The following LRRC1 variants were observed in gnomAD, a reference collection of about 807,000 sequenced individuals.
LRRC1 encodes the protein leucine rich repeat containing 1.
LRRC1 carries 28 observed loss-of-function variants against 69.9 expected under a neutral mutation model. That is an observed-to-expected ratio of 0.40 (90% CI 0.30 to 0.55). The LOEUF is 0.55. Ranked by LOEUF, LRRC1 falls within the 20% of genes least tolerant of loss-of-function variation. The pLI is 0.47. For synonymous variants in LRRC1, 236 were observed against 240.2 expected, an observed-to-expected ratio of 0.98 and a Z score of 0.16; for missense variants, 498 against 609.0, an observed-to-expected ratio of 0.82 and a Z score of 1.92.
At chr6:53,805,001 A>G (rs1346491366) in intron 1 of LRRC1, among the ~76,000 whole-genome samples, 1 of 152,176 alleles carries the variant, frequency 6.6e-6, no homozygotes, top group Non-Finnish European at 1.5e-5. Flanking sequence ...TGAGATCTTG[A>G]AAAATAGGCC....
At chr6:53,882,798 C>G in intron 3 of LRRC1, 89 bp from the exon 4 acceptor site, 1 of 733,776 alleles carries the variant, frequency 1.4e-6, no homozygotes, top group South Asian at 1.9e-5. Context: ...TCAGTTAGCA[C>G]ATAGAATAAA....
At chr6:53,882,823 C>A (rs780467313) in intron 3 of LRRC1, 64 bp from the exon 4 acceptor site, 3 of 908,992 alleles carry the variant, frequency 3.3e-6, no homozygotes, top group South Asian at 3.1e-5. Context: ...TATATTTATG[C>A]TTGGTATACA....
intron 2 of LRRC1, among the ~76,000 whole-genome samples, chr6:53,874,562 C>G (rs187990614): frequency 7.9e-4 from 120 of 152,266 alleles, no homozygotes; most frequent in African/African-American, 2.6e-3. Flanking sequence ...AAATGTTTTA[C>G]ACTTTTAAAT....
chr6:53,874,748 ATCTT>A (rs1233081586), intron 2 of LRRC1, among the ~76,000 whole-genome samples: 1 of 152,204 alleles, frequency 6.6e-6, no homozygotes, highest in Non-Finnish European at 1.5e-5. Flanking sequence ...ACCAGGAGAA[ATCTT>A]TCTATTTTAG....
chr6:53,918,510 C>T (rs553119963), intron 11 of LRRC1, among the ~76,000 whole-genome samples: 2 of 152,208 alleles, frequency 1.3e-5, no homozygotes, highest in Non-Finnish European at 2.9e-5. Context: ...CTACCATTTA[C>T]TCTGATTAGT....
At chr6:53,861,909 G>T (rs1446739127) in intron 2 of LRRC1, among the ~76,000 whole-genome samples, 1 of 152,208 alleles carries the variant, frequency 6.6e-6, no homozygotes, top group African/African-American at 2.4e-5. Context: ...AAAGATAAGT[G>T]TTGCTTAGAA....
intron 2 of LRRC1, among the ~76,000 whole-genome samples, chr6:53,858,867 G>A (rs1766405261): frequency 6.6e-6 from 1 of 152,134 alleles, no homozygotes; most frequent in South Asian, 2.1e-4. Flanking sequence ...GATGATGGGT[G>A]TAGCACTTCC....
chr6:53,810,958 A>G (rs190177738), intron 1 of LRRC1, among the ~76,000 whole-genome samples: 18 of 152,278 alleles, frequency 1.2e-4, no homozygotes, highest in Non-Finnish European at 1.8e-4. Flanking sequence ...ATTCATCAGG[A>G]CAGGACTTAG....
intron 1 of LRRC1, among the ~76,000 whole-genome samples, chr6:53,839,226 A>G (rs1266048084): frequency 2.0e-5 from 3 of 152,122 alleles, no homozygotes; most frequent in Admixed American, 6.5e-5. Flanking sequence ...GTCCAGAAGT[A>G]TTTCAGTGGA....
chr6:53,868,811 G>A (rs1018437366), intron 2 of LRRC1, among the ~76,000 whole-genome samples: 1 of 152,182 alleles, frequency 6.6e-6, no homozygotes, highest in African/African-American at 2.4e-5. Flanking sequence ...TGTTCAGGCA[G>A]ACTGTACCAT....
At chr6:53,821,066 C>G (rs529035359) in intron 1 of LRRC1, among the ~76,000 whole-genome samples, 1 of 152,332 alleles carries the variant, frequency 6.6e-6, no homozygotes, top group Non-Finnish European at 1.5e-5. Context: ...TTACACCACG[C>G]TTTCTTTGAA....
chr6:53,896,681 CT>C, intron 5 of LRRC1, 127 bp downstream of exon 5: 1 of 1,024,064 alleles, frequency 9.8e-7, no homozygotes, highest in Middle Eastern at 2.5e-4. Context: ...GCCAGCCGGC[CT>C]TTTCTTAACA....
chr6:53,824,208 T>C (rs1196140598), intron 1 of LRRC1, among the ~76,000 whole-genome samples: 5 of 152,282 alleles, frequency 3.3e-5, no homozygotes, highest in South Asian at 2.1e-4. Flanking sequence ...AGATGGTCTC[T>C]TATTATTGTT....
intron 1 of LRRC1, among the ~76,000 whole-genome samples, chr6:53,801,262 T>TGCAA (rs1177438092): frequency 1.3e-5 from 2 of 152,228 alleles, no homozygotes; most frequent in Middle Eastern, 3.2e-3. Flanking sequence ...TTTAAAACAT[T>TGCAA]GCAAGCAGCC....
intron 1 of LRRC1, among the ~76,000 whole-genome samples, chr6:53,812,256 G>A (rs531909824): frequency 6.6e-6 from 1 of 152,206 alleles, no homozygotes; most frequent in Admixed American, 6.5e-5. Context: ...CAAGACTGGA[G>A]GAGATAGGGT....
chr6:53,835,208 G>A (rs2127413833), intron 1 of LRRC1, among the ~76,000 whole-genome samples: 1 of 152,246 alleles, frequency 6.6e-6, no homozygotes, highest in East Asian at 1.9e-4. Context: ...TCACCCAAAA[G>A]AAACCCCATA....
chr6:53,851,312 A>G (rs771829638), intron 2 of LRRC1, among the ~76,000 whole-genome samples: 6 of 152,094 alleles, frequency 3.9e-5, no homozygotes, highest in Non-Finnish European at 7.4e-5. Context: ...GGACTGAGAA[A>G]TTCCAGGATT....
At chr6:53,849,004 A>G (rs990478914) in intron 2 of LRRC1, among the ~76,000 whole-genome samples, 1 of 143,258 alleles carries the variant, frequency 7.0e-6, no homozygotes, top group African/African-American at 2.6e-5. Flanking sequence ...TGATCCACCC[A>G]CCTCAGCCTC....
At chr6:53,922,487 C>T (rs926119730) in intron 13 of LRRC1, 148 bp from the exon 14 acceptor site, 11 of 619,026 alleles carry the variant, frequency 1.8e-5, no homozygotes, top group African/African-American at 9.2e-5. Context: ...TTGATGAATG[C>T]ACATACATCC....
Sources: allele counts gnomAD v4.1 joint callset (sites outside exome capture counted in the v4.1 genomes callset), GRCh38; gene constraint gnomAD v4.1.1; transcripts MANE v1.5; gene names NCBI Gene and HGNC (gene_info 2026-07-23, HGNC 2026-07-21).